The following TMEM108 variants were observed in gnomAD, a reference collection of about 807,000 sequenced individuals.
TMEM108 encodes transmembrane protein 108.
A neutral mutation model predicts 35.1 loss-of-function variants in TMEM108; 12 were observed. That is an observed-to-expected ratio of 0.34 (90% confidence interval 0.22 to 0.55). The LOEUF (loss-of-function observed/expected upper bound fraction) is 0.55. Ranked by LOEUF, TMEM108 falls within the 20% of genes least tolerant of loss-of-function variation. The probability of loss-of-function intolerance (pLI) is 0.89; values close to 1 mark genes in which losing one functional copy is unlikely to be tolerated. For missense variants in TMEM108, 680 were observed against 753.3 expected, an observed-to-expected ratio of 0.90 and a Z score of 1.14; for synonymous variants, 287 against 308.6, an observed-to-expected ratio of 0.93 and a Z score of 0.73.
At chr3:133,172,478 G>T (rs1945144431) in intron 2 of TMEM108, among the ~76,000 whole-genome samples, 2 of 152,146 alleles carry the variant, frequency 1.3e-5, no homozygotes. Flanking sequence ...CCCTGAAATA[G>T]ATTTTTTAAA....
intron 2 of TMEM108, among the ~76,000 whole-genome samples, chr3:133,157,560 A>C (rs978781447): frequency 5.3e-5 from 8 of 152,100 alleles, no homozygotes; most frequent in African/African-American, 1.9e-4. Context: ...CCCTTTTCTC[A>C]CTTAGAGAAA....
chr3:133,344,043 C>T (rs1045757176), intron 3 of TMEM108, among the ~76,000 whole-genome samples: 1 of 151,824 alleles, frequency 6.6e-6, no homozygotes, highest in African/African-American at 2.4e-5. Flanking sequence ...TCCATGAAAC[C>T]AGTCCCTGGT....
chr3:133,125,233 T>G (rs1944400647), intron 2 of TMEM108: 1 of 152,222 alleles, frequency 6.6e-6, no homozygotes, highest in African/African-American at 2.4e-5. Flanking sequence ...TATCTGTTCA[T>G]GAATTATAGT....
chr3:133,253,116 T>G (rs1291707578), intron 3 of TMEM108, among the ~76,000 whole-genome samples: 1 of 152,204 alleles, frequency 6.6e-6, no homozygotes, highest in Non-Finnish European at 1.5e-5. Context: ...GGATTTTGTT[T>G]TCTTCAGGGG....
chr3:133,281,388 CAA>C (rs940733738), intron 3 of TMEM108, among the ~76,000 whole-genome samples: 1 of 151,986 alleles, frequency 6.6e-6, no homozygotes, highest in Non-Finnish European at 1.5e-5. Flanking sequence ...GTGGTTTCAC[CAA>C]AAAACCAGGC....
At chr3:133,106,182 T>G (rs924885240) in intron 2 of TMEM108, among the ~76,000 whole-genome samples, 9 of 151,082 alleles carry the variant, frequency 6.0e-5, no homozygotes, top group Admixed American at 3.3e-4. Context: ...AAGGTTTTTT[T>G]TTTTTTTTTT....
At chr3:133,153,131 A>G (rs894072247) in intron 2 of TMEM108, among the ~76,000 whole-genome samples, 19 of 152,130 alleles carry the variant, frequency 1.2e-4, no homozygotes, top group African/African-American at 4.6e-4. Flanking sequence ...ACCATTCTAA[A>G]TAAAACATTC....
chr3:133,312,664 C>T (rs576038265), intron 3 of TMEM108, among the ~76,000 whole-genome samples: 13 of 152,344 alleles, frequency 8.5e-5, no homozygotes, highest in South Asian at 4.1e-4. Context: ...AAGGGAAATC[C>T]CCTGACCCCT....
Position 133,363,331 on chromosome 3 carries a change from C to T in TMEM108, c.41-16421C>T, listed in dbSNP as rs114554955. 2.5e-3 allele frequency among the ~76,000 whole-genome samples: 377 copies of T among 152,156 alleles called. 1 individual carries two copies. Among genetic ancestry groups the T allele is most frequent in the African/African-American group, 8.5e-3 (354 of 41,510 alleles). On this transcript the variant is annotated intron_variant, in intron 3 of 5. Transcript: ENST00000321871. ...GTTCCAACAAATTCCCAGGTGATAC[C>T]GATGCTGGTTGTTCACTCTTAGAAT...
In TMEM108 at chr3:133,397,770, A is replaced by G. The variant is rs1050623083; in HGVS notation, c.*1784A>G. 3 of 152,178 alleles carry G rather than the reference A, an allele frequency of 2.0e-5. No individual in the cohort carries two copies. Among genetic ancestry groups the G allele is most frequent in the African/African-American group, 7.2e-5 (3 of 41,468 alleles). 9.4% of individuals were successfully genotyped at this position (152,178 alleles called of 1,614,324 possible). On this transcript the variant is annotated 3_prime_UTR_variant, in exon 6 of 6. Coordinates refer to ENST00000321871, the MANE Select transcript of TMEM108 (RefSeq NM_023943.4). ...TATAAATAAACTTATTTTATTAGCCAGAGGATTCTGTTGCTAATACATTTT... is the reference window on the plus strand; with the variant it reads ...TATAAATAAACTTATTTTATTAGCCGGAGGATTCTGTTGCTAATACATTTT...
intron 2 of TMEM108, among the ~76,000 whole-genome samples, chr3:133,115,814 T>G (rs1944281274): frequency 6.6e-6 from 1 of 152,244 alleles, no homozygotes; most frequent in South Asian, 2.1e-4. Flanking sequence ...CATTAGCTGT[T>G]GCTGTCCCTG....
At chr3:133,041,076 C>T (rs1252082717) in intron 1 of TMEM108, among the ~76,000 whole-genome samples, 2 of 152,170 alleles carry the variant, frequency 1.3e-5, no homozygotes, top group Non-Finnish European at 2.9e-5. Flanking sequence ...GTGAGATCAT[C>T]TGATAGGGAA....
At chr3:133,209,885 C>G (rs938921106) in intron 2 of TMEM108, among the ~76,000 whole-genome samples, 1 of 152,070 alleles carries the variant, frequency 6.6e-6, no homozygotes, top group Non-Finnish European at 1.5e-5. Context: ...TGAACCTCAT[C>G]TCTCTCCTTT....
intron 2 of TMEM108, among the ~76,000 whole-genome samples, chr3:133,080,035 C>T (rs1252731946): frequency 6.6e-6 from 1 of 152,148 alleles, no homozygotes; most frequent in Non-Finnish European, 1.5e-5. Flanking sequence ...GGAATGGACT[C>T]TTTCCACATA....
At chr3:133,312,603 G>C (rs2071146763) in intron 3 of TMEM108, among the ~76,000 whole-genome samples, 1 of 152,256 alleles carries the variant, frequency 6.6e-6, no homozygotes, top group Admixed American at 6.5e-5. Context: ...TATTTGGGCA[G>C]AGTGTCCTGT....
rs143351316 is a variant in TMEM108 at position 133,249,687 on chromosome 3, C to T, written c.40+20336C>T. 2.4e-4 allele frequency among the ~76,000 whole-genome samples: 36 copies of T among 152,236 alleles called. 1 individual carries two copies. Among genetic ancestry groups the T allele is most frequent in the East Asian group, 3.9e-4 (2 of 5,184 alleles). On this transcript the variant is annotated intron_variant, in intron 3 of 5. Coordinates refer to ENST00000321871, the MANE Select transcript of TMEM108 (RefSeq NM_023943.4). ...AGTATTCCATGGTGTACATGTACCACGTTTTCCTTATCCAGTCCACTGTTG... is the reference window on the plus strand; with the variant it reads ...AGTATTCCATGGTGTACATGTACCATGTTTTCCTTATCCAGTCCACTGTTG...
At position 133,252,368 on chromosome 3, in the gene TMEM108, G is replaced by T. The variant is rs77524081; in HGVS notation, c.40+23017G>T. 5.2e-3 allele frequency among the ~76,000 whole-genome samples: 789 copies of T among 151,994 alleles called. 10 individuals carry two copies. Among genetic ancestry groups the T allele is most frequent in the African/African-American group, 0.018 (734 of 41,534 alleles). ...AAGCTGTATAAATTGTGTCCTCCAG[G>T]TGTTGTGTGGCTAATATGTAGAGAA... On this transcript the variant is annotated intron_variant, in intron 3 of 5. Coordinates refer to ENST00000321871, the MANE Select transcript of TMEM108 (RefSeq NM_023943.4).
At chr3:133,218,762 G>C (rs912818794) in intron 2 of TMEM108, among the ~76,000 whole-genome samples, 8 of 151,988 alleles carry the variant, frequency 5.3e-5, no homozygotes, top group Admixed American at 5.2e-4. Context: ...CTTTTGATGT[G>C]CTGTTGAACT....
At chr3:133,152,852 G>A (rs1007813125) in intron 2 of TMEM108, among the ~76,000 whole-genome samples, 1 of 152,000 alleles carries the variant, frequency 6.6e-6, no homozygotes, top group Non-Finnish European at 1.5e-5. Context: ...AGCAATTAAG[G>A]GCGACTTAAT....
Sources: gnomAD v4.1 joint callset for allele counts (sites outside exome capture counted in the v4.1 genomes callset) on GRCh38, gnomAD v4.1.1 for gene constraint, MANE v1.5 for transcripts, NCBI Gene and HGNC (gene_info 2026-07-23, HGNC 2026-07-21) for gene names.